Variants in PXDNL observed in about 807,000 individuals in gnomAD.
The protein encoded by PXDNL is peroxidasin like.
A neutral mutation model predicts 150.8 loss-of-function variants in PXDNL; 145 were observed. The observed-to-expected ratio is 0.96, with a 90% CI of 0.84 to 1.10. The LOEUF is 1.10. PXDNL is among the 50% of genes least tolerant of loss of function. The probability of loss-of-function intolerance (pLI) is 0.00; values close to 1 mark genes in which losing one functional copy is unlikely to be tolerated. For synonymous variants in PXDNL, 757 were observed against 725.7 expected (o/e 1.04, Z -0.69); for missense variants, 2,087 against 1,873.9 (o/e 1.11, Z -2.10).
At chr8:51,804,953 T>G (rs2037659980) in intron 1 of PXDNL, among the ~76,000 whole-genome samples, 1 of 151,482 alleles carries the variant, frequency 6.6e-6, no homozygotes. Context: ...CTATGTCCAT[T>G]CTCCTGCTTG....
At chr8:51,608,046 AAAGAAAGAAAGCAAGC>A (rs1368360766) in intron 2 of PXDNL, among the ~76,000 whole-genome samples, 185 of 116,574 alleles carry the variant, frequency 1.6e-3, no homozygotes, top group Middle Eastern at 3.9e-3. Context: ...AGAAAGAAAG[AAAGAAAGAAAGCAAGC>A]AAGCAAGCAA....
chr8:51,455,455 AT>A (rs1237878078), intron 9 of PXDNL, among the ~76,000 whole-genome samples: 1 of 152,150 alleles, frequency 6.6e-6, no homozygotes, highest in African/African-American at 2.4e-5. Flanking sequence ...GATCTCAGCA[AT>A]AAAGACTATA....
intron 17 of PXDNL, among the ~76,000 whole-genome samples, chr8:51,384,585 C>CTATA (rs1176710998): frequency 6.6e-6 from 1 of 151,886 alleles, no homozygotes; most frequent in African/African-American, 2.4e-5. Flanking sequence ...TTTTAGAAAA[C>CTATA]TATATATAAA....
rs530951643 is a variant in PXDNL, at chr8:51,726,881, A to G, written c.165-72121T>C. On this transcript the variant is annotated intron_variant, in intron 1 of 22. Transcript: ENST00000356297. The stretch of plus-strand genomic sequence containing the variant: ...TACCTGAATAAAGTTTCAAAGTACT[A>G]CTAGATTCTTAGACCCAGGCAATAC... Among the ~76,000 whole-genome samples the G allele has an allele frequency of 2.6e-5, 4 of 152,342 alleles. No homozygotes were observed. In the East Asian group the frequency reaches 5.8e-4, roughly 22 times the overall value.
At chr8:51,403,732 C>T (rs1279316892) in intron 17 of PXDNL, among the ~76,000 whole-genome samples, 1 of 152,152 alleles carries the variant, frequency 6.6e-6, no homozygotes, top group Non-Finnish European at 1.5e-5. Context: ...AATGTGTCTA[C>T]CCAAAATTCA....
In PXDNL at chr8:51,408,901, TG is replaced by T; in HGVS notation, c.2722del (p.Gln908ArgfsTer13). On this transcript the variant is annotated frameshift_variant, in exon 17 of 23. Transcript: ENST00000356297. LOFTEE classifies it high-confidence loss of function. ...NVYGSSERES[Q>X]ALRDPSVPRG... is the part of the protein sequence containing the mutation. ...AGGCACCGAAGGGTCTCTGAGAGCC[TG>T]GGATTCCCGCTCCGAGCTCCCGTAA... 1 of 1,608,234 alleles carries T rather than the reference TG, an allele frequency of 6.2e-7. No homozygotes were observed. Among genetic ancestry groups the T allele is most frequent in the Non-Finnish European group, 8.5e-7 (1 of 1,177,494 alleles).
chr8:51,535,720 A>C, intron 4 of PXDNL, among the ~76,000 whole-genome samples: 1 of 138,158 alleles, frequency 7.2e-6, no homozygotes, highest in Admixed American at 7.0e-5. Flanking sequence ...TCAATAAAAA[A>C]ATAAATAAAT....
chr8:51,669,843 AT>A (rs1815464197), intron 1 of PXDNL, among the ~76,000 whole-genome samples: 1 of 152,254 alleles, frequency 6.6e-6, no homozygotes, highest in South Asian at 2.1e-4. Flanking sequence ...ATTTAAAAAA[AT>A]AACTCCATGA....
intron 17 of PXDNL, among the ~76,000 whole-genome samples, chr8:51,395,304 A>G (rs1808047687): frequency 6.6e-6 from 1 of 152,182 alleles, no homozygotes; most frequent in Non-Finnish European, 1.5e-5. Flanking sequence ...GGCTCAACCA[A>G]TTCAGAACTA....
chr8:51,425,935 C>T (rs931916922), intron 13 of PXDNL, among the ~76,000 whole-genome samples: 2 of 152,164 alleles, frequency 1.3e-5, no homozygotes, highest in Non-Finnish European at 2.9e-5. Context: ...AAAAGAAGGC[C>T]TTGTTAATAT....
chr8:51,461,286 C>A (rs1236921061), intron 8 of PXDNL, among the ~76,000 whole-genome samples: 1 of 152,188 alleles, frequency 6.6e-6, no homozygotes, highest in Admixed American at 6.5e-5. Context: ...GGCACAGGAG[C>A]TGGGTGTGCT....
chr8:51,565,318 AT>A (rs1177598197), intron 3 of PXDNL, among the ~76,000 whole-genome samples: 1 of 131,004 alleles, frequency 7.6e-6, no homozygotes, highest in Non-Finnish European at 1.5e-5. Context: ...AAATAAATAA[AT>A]AAATAGATAG....
chr8:51,744,130 G>A (rs1281059634), intron 1 of PXDNL, among the ~76,000 whole-genome samples: 2 of 105,628 alleles, frequency 1.9e-5, no homozygotes, highest in Non-Finnish European at 4.2e-5. Context: ...AAGGAAGAAA[G>A]AGAAAGGAAG....
chr8:51,784,675 G>A (rs1355074674), intron 1 of PXDNL, among the ~76,000 whole-genome samples: 1 of 152,134 alleles, frequency 6.6e-6, no homozygotes, highest in Non-Finnish European at 1.5e-5. Context: ...ACACAGTAAA[G>A]AGTGTGCTTG....
intron 1 of PXDNL, among the ~76,000 whole-genome samples, chr8:51,699,967 A>G (rs1213767808): frequency 2.0e-5 from 3 of 152,186 alleles, no homozygotes; most frequent in African/African-American, 7.2e-5. Flanking sequence ...CATGACAAAT[A>G]TGATAATAAT....
intron 21 of PXDNL, among the ~76,000 whole-genome samples, chr8:51,327,815 A>G (rs1164726554): frequency 1.3e-5 from 2 of 152,238 alleles, no homozygotes; most frequent in African/African-American, 4.8e-5. Flanking sequence ...GGACACACTG[A>G]AAATCAATAA....
chr8:51,602,888 T>C (rs1396132931), intron 2 of PXDNL, among the ~76,000 whole-genome samples: 2 of 151,692 alleles, frequency 1.3e-5, no homozygotes, highest in Non-Finnish European at 3.0e-5. Context: ...TTTTTCTTTA[T>C]GGCTTTGGAT....
intron 20 of PXDNL, 78 bp from the exon 21 acceptor site, chr8:51,339,831 T>G (rs1020635862): frequency 1.4e-6 from 2 of 1,451,684 alleles, no homozygotes; most frequent in Non-Finnish European, 1.9e-6. Flanking sequence ...CAAATCTTCT[T>G]TGGTCATTTG....
At chr8:51,496,611 G>A (rs1055552933) in intron 5 of PXDNL, among the ~76,000 whole-genome samples, 5 of 152,120 alleles carry the variant, frequency 3.3e-5, no homozygotes, top group African/African-American at 1.2e-4. Context: ...AAATCAATGT[G>A]CAAAAATCAC....
Sources: gnomAD v4.1 joint callset for allele counts (sites outside exome capture counted in the v4.1 genomes callset) on GRCh38, gnomAD v4.1.1 for gene constraint, MANE v1.5 for transcripts, NCBI Gene and HGNC (gene_info 2026-07-23, HGNC 2026-07-21) for gene names.